The following ITGA9 variants were observed in gnomAD, a reference collection of about 807,000 sequenced individuals.
ITGA9 encodes the protein integrin alpha-9.
ITGA9 carries 56 observed loss-of-function variants against 127.8 expected under a neutral mutation model. That is an observed-to-expected ratio of 0.44 (90% CI 0.35 to 0.55). The LOEUF (loss-of-function observed/expected upper bound fraction) is 0.55, where lower values mean the gene tolerates loss of function less well. Among genes scored for constraint, ITGA9 ranks in the 20% least tolerant of loss-of-function variants. The probability of loss-of-function intolerance (pLI) is 0.00; values close to 1 mark genes in which losing one functional copy is unlikely to be tolerated. For missense variants in ITGA9, 1,196 were observed against 1,347.1 expected (o/e 0.89, Z 1.76); for synonymous variants, 508 against 514.5 (o/e 0.99, Z 0.17).
chr3:37,606,938 AG>A, intron 15 of ITGA9, among the ~76,000 whole-genome samples: 1 of 142,074 alleles, frequency 7.0e-6, no homozygotes, highest in Non-Finnish European at 1.5e-5. Context: ...GGCTTGTGTG[AG>A]GGGCCATAAC....
intron 20 of ITGA9, among the ~76,000 whole-genome samples, chr3:37,739,333 A>T (rs1047893813): frequency 2.0e-5 from 3 of 152,248 alleles, no homozygotes; most frequent in African/African-American, 7.2e-5. Flanking sequence ...TAAGATGACC[A>T]TATTATCTTC....
Position 37,710,408 on chromosome 3 carries a change from C to A in ITGA9, c.2068-22304C>A, listed in dbSNP as rs111284985. On this transcript the variant is annotated intron_variant, in intron 18 of 27. Coordinates refer to ENST00000264741, the MANE Select transcript of ITGA9 (RefSeq NM_002207.3). ...TTGTCAAGAAATAAATATCCCCCCCCCACACACATAAATAGAGAACAATAA... is the reference window on the plus strand; with the variant it reads ...TTGTCAAGAAATAAATATCCCCCCCACACACACATAAATAGAGAACAATAA... Among the ~76,000 whole-genome samples the A allele has an allele frequency of 6.3e-3, 948 of 151,452 alleles. 10 individuals carry two copies. The highest frequency in any genetic ancestry group is 0.036 in the South Asian group (171 of 4,712).
intron 18 of ITGA9, among the ~76,000 whole-genome samples, chr3:37,715,824 AAGG>A (rs1701129250): frequency 6.6e-6 from 1 of 152,220 alleles, no homozygotes; most frequent in African/African-American, 2.4e-5. Flanking sequence ...CTATACCAGA[AAGG>A]AGAAGAGGGG....
chr3:37,674,575 A>G (rs984913670), intron 17 of ITGA9, among the ~76,000 whole-genome samples: 2 of 152,192 alleles, frequency 1.3e-5, no homozygotes, highest in Non-Finnish European at 2.9e-5. Flanking sequence ...CAAGGGTGGT[A>G]TCTTGTGTGT....
At chr3:37,683,785 C>A (rs535486735) in intron 17 of ITGA9, 80 bp from the exon 18 acceptor site, 6 of 1,454,990 alleles carry the variant, frequency 4.1e-6, no homozygotes, top group South Asian at 2.3e-5. Context: ...TTCTGCCCCC[C>A]ACCTTCAACT....
At chr3:37,623,709 G>C (rs1336995277) in intron 15 of ITGA9, among the ~76,000 whole-genome samples, 2 of 152,018 alleles carry the variant, frequency 1.3e-5, no homozygotes, top group South Asian at 2.1e-4. Context: ...GTGTGTGTGT[G>C]TGTGTGTCCA....
chr3:37,492,147 A>AGAAGTTTCTGGGAGGCTGGGACATG (rs1273652306), intron 4 of ITGA9, among the ~76,000 whole-genome samples: 127 of 152,370 alleles, frequency 8.3e-4, no homozygotes, highest in South Asian at 7.0e-3. Context: ...TGACAGTCAC[A>AGAAGTTTCTGGGAGGCTGGGACATG]GAAGTTTCTG....
At chr3:37,603,009 A>G (rs568483823) in intron 15 of ITGA9, among the ~76,000 whole-genome samples, 1 of 152,348 alleles carries the variant, frequency 6.6e-6, no homozygotes, top group African/African-American at 2.4e-5. Flanking sequence ...CAATGATGGC[A>G]TGTCTTGCTC....
chr3:37,483,171 A>G (rs1375330542), intron 4 of ITGA9, among the ~76,000 whole-genome samples: 1 of 152,170 alleles, frequency 6.6e-6, no homozygotes, highest in Admixed American at 6.5e-5. Flanking sequence ...TGGTTTTCCC[A>G]GAAGATGACA....
chr3:37,523,523 ACTGT>A lies in ITGA9; in HGVS notation c.1243_1246del (p.Ser415GlyfsTer4), dbSNP rs1332797264. 1.9e-6 allele frequency: 3 copies of A among 1,613,502 alleles called. No homozygotes were observed. Among genetic ancestry groups the A allele is most frequent in the Admixed American group, 3.3e-5 (2 of 60,028 alleles). On this transcript the variant is annotated frameshift_variant, in exon 12 of 28. Transcript: ENST00000264741. LOFTEE classifies it high-confidence loss of function. ...CATTTCCCTATTATCTGTTTCAGAA[ACTGT>A]CTGGGCAGAAGATAAATCCAGTGCT...
At chr3:37,464,134 T>TGTGTGC (rs1553640581) in intron 1 of ITGA9, among the ~76,000 whole-genome samples, 7 of 151,676 alleles carry the variant, frequency 4.6e-5, no homozygotes, top group African/African-American at 1.7e-4. Flanking sequence ...TGTGTGTGTG[T>TGTGTGC]GTGTGTGTGT....
chr3:37,649,116 C>CAA (rs34729329), intron 16 of ITGA9, among the ~76,000 whole-genome samples: 20 of 83,170 alleles, frequency 2.4e-4, no homozygotes, highest in African/African-American at 5.6e-4. Flanking sequence ...CCTATCGATA[C>CAA]AAAAAAAAAA....
intron 19 of ITGA9, 50 bp downstream of exon 19, chr3:37,732,848 C>A: frequency 7.2e-7 from 1 of 1,391,750 alleles, no homozygotes; most frequent in South Asian, 1.2e-5. Flanking sequence ...CCCAGCCCTT[C>A]CACCAGCCAC....
chr3:37,628,629 A>G (rs1004186522), intron 15 of ITGA9, among the ~76,000 whole-genome samples: 3 of 152,040 alleles, frequency 2.0e-5, no homozygotes, highest in African/African-American at 7.2e-5. Flanking sequence ...GTGACTGTCA[A>G]TCGACTGTTC....
At chr3:37,562,538 CAG>C in intron 15 of ITGA9, among the ~76,000 whole-genome samples, 1 of 152,200 alleles carries the variant, frequency 6.6e-6, no homozygotes, top group East Asian at 1.9e-4. Context: ...TCATCAGCGA[CAG>C]TGGTAGGGAA....
chr3:37,517,646 G>C (rs1213003595), intron 10 of ITGA9, 37 bp downstream of exon 10: 2 of 1,426,760 alleles, frequency 1.4e-6, no homozygotes, highest in Non-Finnish European at 1.9e-6. Flanking sequence ...GCCCCTCCAG[G>C]TGCAGCACGC....
chr3:37,592,786 T>C (rs1165457892), intron 15 of ITGA9, among the ~76,000 whole-genome samples: 2 of 152,306 alleles, frequency 1.3e-5, no homozygotes, highest in East Asian at 3.9e-4. Context: ...AGATGGACGA[T>C]GCTGAGAGGG....
intron 15 of ITGA9, among the ~76,000 whole-genome samples, chr3:37,574,849 G>A (rs766416008): frequency 2.6e-5 from 4 of 152,132 alleles, no homozygotes; most frequent in Non-Finnish European, 5.9e-5. Flanking sequence ...GGTCCATATC[G>A]GGATTGGGGC....
Position 37,748,969 on chromosome 3 carries a change from A to T in ITGA9, c.2434-1493A>T, listed in dbSNP as rs1258978525. The T allele has an allele frequency of 1.1e-5, 6 of 566,552 alleles. No homozygotes were observed. The East Asian group carries it at 1.5e-4, about 14-fold the overall frequency. The allele number at this position is 566,552 out of a possible 1,614,324, so 35.1% of individuals were successfully genotyped here. A position where few individuals can be genotyped will look rare whatever the true frequency, so the allele number is the denominator to read the frequency against. ...AAAAAAAGAAAAAAGAAAAATCCTT[A>T]ACCCATTGACATAGCTTCTTGTATT... On this transcript the variant is annotated intron_variant, in intron 22 of 27. Coordinates refer to ENST00000264741, the MANE Select transcript of ITGA9 (RefSeq NM_002207.3).
Sources: allele counts gnomAD v4.1 joint callset (sites outside exome capture counted in the v4.1 genomes callset), GRCh38; gene constraint gnomAD v4.1.1; transcripts MANE v1.5; gene names NCBI Gene and HGNC (gene_info 2026-07-23, HGNC 2026-07-21).